ABCC4: variants seen among roughly 807,000 people sequenced by gnomAD.
ABCC4 encodes the protein ATP-binding cassette sub-family C member 4.
In ABCC4, 102 loss-of-function variants were observed where a neutral mutation model predicts 168.5. The observed-to-expected ratio is 0.61, with a 90% confidence interval of 0.52 to 0.71. ABCC4 has a LOEUF of 0.71. Ranked by LOEUF, ABCC4 falls within the 30% of genes least tolerant of loss-of-function variation. The pLI, the probability that ABCC4 is intolerant of heterozygous loss-of-function variation, is 0.00. For synonymous variants in ABCC4, 617 were observed against 590.7 expected, an observed-to-expected ratio of 1.04 and a Z score of -0.65; for missense variants, 1,402 against 1,605.8, an observed-to-expected ratio of 0.87 and a Z score of 2.17.
chr13:95,209,689 G>A, intron 5 of ABCC4, 92 bp from the exon 6 acceptor site: 1 of 1,254,898 alleles, frequency 8.0e-7, no homozygotes, highest in South Asian at 1.7e-5. Context: ...AAAAGAACAG[G>A]CAAGATCCTA....
chr13:95,276,579 C>G (rs2040977506), intron 1 of ABCC4, among the ~76,000 whole-genome samples: 1 of 151,814 alleles, frequency 6.6e-6, no homozygotes, highest in Non-Finnish European at 1.5e-5. Flanking sequence ...CTGTGGAACC[C>G]AAGAGCAGAG....
intron 29 of ABCC4, among the ~76,000 whole-genome samples, chr13:95,039,292 G>T (rs2032257766): frequency 6.6e-6 from 1 of 152,124 alleles, no homozygotes. Context: ...AGCTCAAAAA[G>T]TTTCAGATTT....
chr13:95,150,657 T>C (rs1310278745), intron 19 of ABCC4, among the ~76,000 whole-genome samples: 2 of 152,204 alleles, frequency 1.3e-5, no homozygotes, highest in Non-Finnish European at 2.9e-5. Context: ...AATTTCATGA[T>C]AACATTACTT....
At chr13:95,028,095 T>C (rs2031636083) in intron 30 of ABCC4, among the ~76,000 whole-genome samples, 1 of 152,136 alleles carries the variant, frequency 6.6e-6, no homozygotes, top group African/African-American at 2.4e-5. Flanking sequence ...GGAAATATAA[T>C]TCATAGTGGA....
chr13:95,079,405 G>GACCTCTCAA (rs2034014653), intron 21 of ABCC4, among the ~76,000 whole-genome samples: 1 of 152,172 alleles, frequency 6.6e-6, no homozygotes, highest in Non-Finnish European at 1.5e-5. Context: ...GACCTCTCAG[G>GACCTCTCAA]GTTATTACGG....
In ABCC4 at chr13:95,043,725, A is replaced by AT; in HGVS notation, c.3691dup (p.Ile1231AsnfsTer10). The AT allele has an allele frequency of 6.2e-7, 1 of 1,614,044 alleles. No homozygotes were observed. The highest frequency in any genetic ancestry group is 8.5e-7 in the Non-Finnish European group (1 of 1,179,964). ...AATAATGGTGTTCAATCTGTGTGCA[A>AT]TGGTTAGCACGGTGCAGTGGGCAAA... On this transcript the variant is annotated frameshift_variant, in exon 29 of 31. Coordinates refer to ENST00000645237, the MANE Select transcript of ABCC4 (RefSeq NM_005845.5). LOFTEE classifies it high-confidence loss of function.
Position 95,096,058 on chromosome 13 carries a change from T to C in ABCC4, c.2536-12768A>G, listed in dbSNP as rs185765251. ...AAAATTGAATATCAAAAAAACAACATTTAGCCAGGTACAGTGGCTCATGCC... is the reference window on the plus strand; with the variant it reads ...AAAATTGAATATCAAAAAAACAACACTTAGCCAGGTACAGTGGCTCATGCC... On this transcript the variant is annotated intron_variant, in intron 20 of 30. Transcript: ENST00000645237. The C allele has an allele frequency of 1.2e-3, 521 of 428,066 alleles. 2 individuals carry two copies. The highest frequency in any genetic ancestry group is 9.5e-3 in the African/African-American group (464 of 48,896). 26.5% of individuals were successfully genotyped at this position (428,066 alleles called of 1,614,324 possible).
chr13:95,147,672 T>A (rs4148508), intron 19 of ABCC4, among the ~76,000 whole-genome samples: 53,543 of 152,004 alleles, frequency 0.35, 10,372 homozygotes, highest in African/African-American at 0.52. Context: ...TAGCATTTTT[T>A]AAAAATAATG....
At chr13:95,294,012 G>A (rs2041465917) in intron 1 of ABCC4, among the ~76,000 whole-genome samples, 2 of 151,982 alleles carry the variant, frequency 1.3e-5, no homozygotes, top group South Asian at 2.1e-4. Context: ...TTCTCAAAGA[G>A]CTCACACAAT....
chr13:95,181,646 A>G (rs866626549), intron 11 of ABCC4, among the ~76,000 whole-genome samples: 2 of 152,306 alleles, frequency 1.3e-5, no homozygotes, highest in South Asian at 2.1e-4. Flanking sequence ...GCCTGGTGTT[A>G]TCTCTAACCT....
intron 3 of ABCC4, among the ~76,000 whole-genome samples, chr13:95,238,035 A>C (rs991162813): frequency 6.6e-6 from 1 of 151,918 alleles, no homozygotes; most frequent in Non-Finnish European, 1.5e-5. Flanking sequence ...TCTCTACTAA[A>C]AACACAAAAA....
At chr13:95,102,145 T>C (rs1470736075) in intron 20 of ABCC4, among the ~76,000 whole-genome samples, 2 of 152,138 alleles carry the variant, frequency 1.3e-5, no homozygotes, top group Admixed American at 6.5e-5. Flanking sequence ...TTTTTTATTA[T>C]TATTTTTTGG....
chr13:95,074,158 A>T, intron 23 of ABCC4, 56 bp downstream of exon 23: 1 of 1,364,252 alleles, frequency 7.3e-7, no homozygotes, highest in Non-Finnish European at 1.0e-6. Flanking sequence ...TAATAAATGT[A>T]AACACAGCTA....
At chr13:95,280,052 C>A (rs1166531654) in intron 1 of ABCC4, among the ~76,000 whole-genome samples, 1 of 152,102 alleles carries the variant, frequency 6.6e-6, no homozygotes, top group East Asian at 1.9e-4. Context: ...TTTGTCCCTG[C>A]GACTCTGGGT....
At chr13:95,058,567 C>CAAAAAAAAAAAA (rs1165324016) in intron 26 of ABCC4, among the ~76,000 whole-genome samples, 5 of 62,790 alleles carry the variant, frequency 8.0e-5, no homozygotes, top group Admixed American at 2.4e-4. Context: ...GACTCCATCT[C>CAAAAAAAAAAAA]AAAAAAAAAA....
At chr13:95,097,584 T>C (rs2034645922) in intron 20 of ABCC4, among the ~76,000 whole-genome samples, 1 of 133,676 alleles carries the variant, frequency 7.5e-6, no homozygotes, top group Admixed American at 8.4e-5. Flanking sequence ...AGCTACAGAA[T>C]ATACATTCTT....
At chr13:95,153,096 A>C (rs1375095162) in intron 19 of ABCC4, among the ~76,000 whole-genome samples, 2 of 152,210 alleles carry the variant, frequency 1.3e-5, no homozygotes, top group Non-Finnish European at 2.9e-5. Context: ...TATTCCAGAA[A>C]CAGTGTTCTA....
chr13:95,033,176 G>T (rs1291220400), intron 30 of ABCC4, among the ~76,000 whole-genome samples: 1 of 151,844 alleles, frequency 6.6e-6, no homozygotes, highest in Non-Finnish European at 1.5e-5. Context: ...CACCATGTTG[G>T]CCCCTATTTT....
intron 6 of ABCC4, among the ~76,000 whole-genome samples, chr13:95,208,256 A>G (rs569473537): frequency 1.3e-5 from 2 of 151,500 alleles, no homozygotes; most frequent in African/African-American, 4.8e-5. Context: ...CAGTGGTCAG[A>G]GAGTGCTAAA....
Sources: gnomAD v4.1 joint callset for allele counts (sites outside exome capture counted in the v4.1 genomes callset) on GRCh38, gnomAD v4.1.1 for gene constraint, MANE v1.5 for transcripts, NCBI Gene and HGNC (gene_info 2026-07-23, HGNC 2026-07-21) for gene names.